Variants in PLEKHA5 observed in about 807,000 individuals in gnomAD.
PLEKHA5 encodes the protein pleckstrin homology domain-containing family A member 5.
Under a neutral mutation model 181.9 loss-of-function variants are expected in PLEKHA5, and 55 were observed. The ratio of observed to expected loss-of-function variants is 0.30; its 90% CI spans 0.24 to 0.38. PLEKHA5 has a LOEUF of 0.38. Among genes scored for constraint, PLEKHA5 ranks in the 10% least tolerant of loss-of-function variants. PLEKHA5 has a pLI of 1.00. For missense variants in PLEKHA5, 1,432 were observed against 1,549.5 expected, an observed-to-expected ratio of 0.92 and a Z score of 1.27; for synonymous variants, 535 against 529.4, an observed-to-expected ratio of 1.01 and a Z score of -0.15.
intron 3 of PLEKHA5, among the ~76,000 whole-genome samples, chr12:19,146,603 CTTA>C (rs1410578367): frequency 2.0e-5 from 3 of 152,016 alleles, no homozygotes; most frequent in Non-Finnish European, 2.9e-5. Flanking sequence ...GCTGTTTTTT[CTTA>C]TTATTTAAAA....
chr12:19,132,660 C>T (rs562495679), intron 3 of PLEKHA5, among the ~76,000 whole-genome samples: 5 of 151,674 alleles, frequency 3.3e-5, no homozygotes, highest in African/African-American at 1.2e-4. Context: ...GAATATTCAT[C>T]GATTCATTGA....
At chr12:19,234,545 CAG>C (rs752309240) in intron 3 of PLEKHA5, among the ~76,000 whole-genome samples, 2 of 152,290 alleles carry the variant, frequency 1.3e-5, no homozygotes, top group South Asian at 2.1e-4. Context: ...CATAAGCTTC[CAG>C]AGTCTCTTGA....
chr12:19,133,745 G>A (rs946004712), intron 3 of PLEKHA5, among the ~76,000 whole-genome samples: 4 of 151,888 alleles, frequency 2.6e-5, no homozygotes, highest in African/African-American at 9.7e-5. Context: ...TCATGGTATG[G>A]TCTTTCTGTG....
At chr12:19,166,510 A>G (rs2044425997) in intron 3 of PLEKHA5, among the ~76,000 whole-genome samples, 1 of 151,950 alleles carries the variant, frequency 6.6e-6, no homozygotes, top group African/African-American at 2.4e-5. Context: ...CGCCTGAGTG[A>G]TCTGCCACAT....
chr12:19,177,338 T>C (rs1262093792), intron 3 of PLEKHA5, among the ~76,000 whole-genome samples: 2 of 152,344 alleles, frequency 1.3e-5, no homozygotes, highest in Admixed American at 6.5e-5. Flanking sequence ...ATTACAATTA[T>C]TCTTTTTGAG....
At chr12:19,291,215 G>T (rs1287902870) in intron 14 of PLEKHA5, among the ~76,000 whole-genome samples, 1 of 152,062 alleles carries the variant, frequency 6.6e-6, no homozygotes, top group Non-Finnish European at 1.5e-5. Context: ...CCTTTTAAAT[G>T]TTAAAAATTA....
chr12:19,350,252 T>C (rs66752357), intron 25 of PLEKHA5, among the ~76,000 whole-genome samples: 12,107 of 152,280 alleles, frequency 0.08, 548 homozygotes, highest in African/African-American at 0.12. Flanking sequence ...GATTGTGATA[T>C]TGTGGTTGTG....
intron 3 of PLEKHA5, chr12:19,236,969 T>C (rs139629657): frequency 2.0e-5 from 3 of 152,342 alleles, no homozygotes; most frequent in African/African-American, 7.2e-5. Flanking sequence ...GAGTCTTATT[T>C]TTACTCCAGT....
chr12:19,246,137 C>G (rs899383414), intron 3 of PLEKHA5, among the ~76,000 whole-genome samples: 3 of 151,472 alleles, frequency 2.0e-5, no homozygotes, highest in Non-Finnish European at 2.9e-5. Flanking sequence ...CGCCACCACA[C>G]CCGGTTAACT....
chr12:19,218,150 T>G (rs1409866644), intron 3 of PLEKHA5, among the ~76,000 whole-genome samples: 1 of 152,122 alleles, frequency 6.6e-6, no homozygotes, highest in Non-Finnish European at 1.5e-5. Flanking sequence ...AGCTTAAGAA[T>G]AGTTGAAAAA....
chr12:19,327,177 C>G (rs76750531), intron 20 of PLEKHA5, among the ~76,000 whole-genome samples: 1 of 151,448 alleles, frequency 6.6e-6, no homozygotes, highest in Non-Finnish European at 1.5e-5. Flanking sequence ...AGTGGCTGAA[C>G]TAATTTATAT....
chr12:19,346,851 C>T (rs2094358127), intron 23 of PLEKHA5, 143 bp from the exon 24 acceptor site: 4 of 508,562 alleles, frequency 7.9e-6, no homozygotes, highest in Non-Finnish European at 1.3e-5. Flanking sequence ...TTTGATTTTA[C>T]TTTTCATTAT....
chr12:19,250,401 A>G (rs1037873714), intron 3 of PLEKHA5, among the ~76,000 whole-genome samples: 3 of 152,150 alleles, frequency 2.0e-5, no homozygotes, highest in Non-Finnish European at 4.4e-5. Context: ...CCTGACCAAC[A>G]TGGTGAAACC....
At chr12:19,161,899 T>C (rs1454035062) in intron 3 of PLEKHA5, among the ~76,000 whole-genome samples, 3 of 152,194 alleles carry the variant, frequency 2.0e-5, no homozygotes, top group African/African-American at 7.2e-5. Flanking sequence ...GCGAATATTC[T>C]TTCCTTCAGG....
intron 26 of PLEKHA5, among the ~76,000 whole-genome samples, chr12:19,356,867 G>A (rs1337018372): frequency 6.6e-6 from 1 of 151,814 alleles, no homozygotes; most frequent in African/African-American, 2.4e-5. Flanking sequence ...CACCATGTTG[G>A]CCAGGCTGGT....
intron 20 of PLEKHA5, among the ~76,000 whole-genome samples, chr12:19,329,993 G>C (rs2092689278): frequency 6.6e-6 from 1 of 151,838 alleles, no homozygotes; most frequent in Non-Finnish European, 1.5e-5. Context: ...AGGAGGCTGA[G>C]GCAGCAGGAT....
chr12:19,158,274 AC>A lies in PLEKHA5; in HGVS notation c.227+25827del, dbSNP rs575920144. Among the ~76,000 whole-genome samples, 711 of 152,094 alleles carry A rather than the reference AC, an allele frequency of 4.7e-3. 3 individuals are homozygous for A. Among genetic ancestry groups the A allele is most frequent in the Non-Finnish European group, 7.6e-3 (518 of 67,988 alleles). On this transcript the variant is annotated intron_variant, in intron 3 of 31. Coordinates refer to ENST00000429027, the MANE Select transcript of PLEKHA5 (RefSeq NM_001256470.2). Reference sequence around the variant, plus strand: ...AGGCTGAGGTAGGAGAATGACGTGAACCCAGGAGGTGGAGCTTGCAGTGAGC... The same window carrying A: ...AGGCTGAGGTAGGAGAATGACGTGAACCAGGAGGTGGAGCTTGCAGTGAGC...
At chr12:19,269,976 T>C (rs1168495434) in intron 9 of PLEKHA5, 91 bp downstream of exon 9, 1 of 704,340 alleles carries the variant, frequency 1.4e-6, no homozygotes, top group Non-Finnish European at 2.4e-6. Flanking sequence ...CATATCATTT[T>C]AATAGTCATG....
At chr12:19,344,947 GAAA>G (rs769810813) in intron 22 of PLEKHA5, among the ~76,000 whole-genome samples, 3 of 118,250 alleles carry the variant, frequency 2.5e-5, no homozygotes, top group South Asian at 2.7e-4. Flanking sequence ...CGGCTCTACT[GAAA>G]AAAAAAAAAA....
Sources: allele counts gnomAD v4.1 joint callset (sites outside exome capture counted in the v4.1 genomes callset), GRCh38; gene constraint gnomAD v4.1.1; transcripts MANE v1.5; gene names NCBI Gene and HGNC (gene_info 2026-07-23, HGNC 2026-07-21).